Variants in GABBR2 observed in about 807,000 individuals in gnomAD.
The protein encoded by GABBR2 is G-protein coupled receptor 51.
A neutral mutation model predicts 105.6 loss-of-function variants in GABBR2; 23 were observed. The ratio of observed to expected loss-of-function variants is 0.22; its 90% CI spans 0.16 to 0.31. The LOEUF (loss-of-function observed/expected upper bound fraction) is 0.31. GABBR2 is among the 10% of genes least tolerant of loss of function. The pLI is 1.00. For missense variants in GABBR2, 734 were observed against 1,245.5 expected (o/e 0.59, Z 6.18); for synonymous variants, 478 against 499.7 (o/e 0.96, Z 0.58).
intron 4 of GABBR2, among the ~76,000 whole-genome samples, chr9:98,495,292 G>A (rs1470422673): frequency 6.6e-6 from 1 of 152,230 alleles, no homozygotes; most frequent in Non-Finnish European, 1.5e-5. Flanking sequence ...GGAGGATTTA[G>A]AAGGCAACTG....
At chr9:98,470,153 A>G (rs968140147) in intron 6 of GABBR2, among the ~76,000 whole-genome samples, 2 of 152,154 alleles carry the variant, frequency 1.3e-5, no homozygotes, top group African/African-American at 2.4e-5. Flanking sequence ...GATAAATACA[A>G]CCTGTGCAGG....
At chr9:98,391,949 G>A (rs1832187958) in intron 9 of GABBR2, among the ~76,000 whole-genome samples, 1 of 152,182 alleles carries the variant, frequency 6.6e-6, no homozygotes. Flanking sequence ...CTCACTGGGG[G>A]CTAGTGTAGG....
chr9:98,583,941 C>A (rs1031321075), intron 1 of GABBR2, among the ~76,000 whole-genome samples: 1 of 152,226 alleles, frequency 6.6e-6, no homozygotes, highest in African/African-American at 2.4e-5. Flanking sequence ...CTTTTCAATA[C>A]CCCATTTAAG....
intron 1 of GABBR2, among the ~76,000 whole-genome samples, chr9:98,689,277 C>G (rs1352463672): frequency 6.6e-6 from 1 of 152,134 alleles, no homozygotes; most frequent in Admixed American, 6.5e-5. Flanking sequence ...CAGTTTGAAT[C>G]CCAGCTTACT....
At chr9:98,648,596 C>T (rs1036496091) in intron 1 of GABBR2, among the ~76,000 whole-genome samples, 21 of 152,220 alleles carry the variant, frequency 1.4e-4, no homozygotes, top group African/African-American at 5.1e-4. Context: ...CCACTTCTCC[C>T]TCTCCAAGTC....
chr9:98,385,682 A>G lies in GABBR2; in HGVS notation c.1620T>C (p.Asp540=). 1.2e-6 allele frequency: 2 copies of G among 1,613,068 alleles called. No individual in the cohort carries two copies. Among genetic ancestry groups the G allele is most frequent in the South Asian group, 1.1e-5 (1 of 91,050 alleles). Reference sequence around the variant, plus strand: ...AGGTCTTTTCAGAGACAAAGGATCCATCAAGGCCAAAGAGAAATATGGAAG... The same window carrying G: ...AGGTCTTTTCAGAGACAAAGGATCCGTCAAGGCCAAAGAGAAATATGGAAG... The part of the protein sequence containing the change: ...SYASIFLFGL[D]GSFVSEKTFE... Residue 540 remains aspartate (D), a synonymous_variant, in exon 11 of 19, where the codon GAT becomes GAC. Coordinates refer to ENST00000259455, the MANE Select transcript of GABBR2 (RefSeq NM_005458.8).
chr9:98,435,263 A>G (rs1209434241), intron 7 of GABBR2, among the ~76,000 whole-genome samples: 1 of 152,210 alleles, frequency 6.6e-6, no homozygotes, highest in Non-Finnish European at 1.5e-5. Flanking sequence ...AAAATACTGT[A>G]GAATCTATTG....
At chr9:98,330,766 C>A (rs886162631) in intron 13 of GABBR2, among the ~76,000 whole-genome samples, 3 of 152,158 alleles carry the variant, frequency 2.0e-5, no homozygotes, top group Non-Finnish European at 4.4e-5. Context: ...TCACATAGCA[C>A]AAAATTCACA....
At chr9:98,357,686 A>C (rs1429539931) in intron 13 of GABBR2, among the ~76,000 whole-genome samples, 18 of 152,000 alleles carry the variant, frequency 1.2e-4, no homozygotes, top group Admixed American at 2.0e-4. Context: ...AACAACAAAA[A>C]AAAAAACCCC....
chr9:98,314,363 A>T lies in GABBR2; in HGVS notation c.1894-3158T>A, dbSNP rs551218207. On this transcript the variant is annotated intron_variant, in intron 13 of 18. Transcript: ENST00000259455. Reference sequence around the variant, plus strand: ...TTCTCCAGTGTGTGACAATCAGGCCAACATCAGAATGCAGTAGCACGGACC... The same window carrying T: ...TTCTCCAGTGTGTGACAATCAGGCCTACATCAGAATGCAGTAGCACGGACC... 1.1e-3 allele frequency among the ~76,000 whole-genome samples: 174 copies of T among 152,340 alleles called. 1 individual carries two copies. Among genetic ancestry groups the T allele is most frequent in the Non-Finnish European group, 1.9e-3 (130 of 68,030 alleles).
intron 13 of GABBR2, among the ~76,000 whole-genome samples, chr9:98,321,478 G>T (rs370283450): frequency 1.3e-5 from 2 of 152,190 alleles, no homozygotes; most frequent in Non-Finnish European, 2.9e-5. Context: ...GGCATTGCCC[G>T]GGAGTGCACG....
At chr9:98,606,194 T>A (rs1400453877) in intron 1 of GABBR2, among the ~76,000 whole-genome samples, 1 of 152,214 alleles carries the variant, frequency 6.6e-6, no homozygotes, top group African/African-American at 2.4e-5. Flanking sequence ...TTGGGTTGGT[T>A]CCAAGTCTTT....
rs557729738 is a variant in GABBR2, at chr9:98,578,077, G to A, written c.322-5C>T. 1 of 1,613,574 alleles carries A rather than the reference G, an allele frequency of 6.2e-7. No homozygotes were observed. Among genetic ancestry groups the A allele is most frequent in the East Asian group, 2.2e-5 (1 of 44,886 alleles). Reference sequence around the variant, plus strand: ...CAACCCTTTTGCGTTGTCGCACTGGGAAGCAACACATAGAAAGAAAGGTCC... The same window carrying A: ...CAACCCTTTTGCGTTGTCGCACTGGAAAGCAACACATAGAAAGAAAGGTCC... On this transcript the variant is annotated splice_region_variant and splice_polypyrimidine_tract_variant and intron_variant, in intron 1 of 18. Coordinates refer to ENST00000259455, the MANE Select transcript of GABBR2 (RefSeq NM_005458.8).
At chr9:98,458,782 T>C (rs769090936) in intron 6 of GABBR2, among the ~76,000 whole-genome samples, 1 of 152,210 alleles carries the variant, frequency 6.6e-6, no homozygotes, top group Non-Finnish European at 1.5e-5. Flanking sequence ...GTGAGTTAAC[T>C]TAGGAATCTG....
chr9:98,432,966 G>T (rs1385138850), intron 7 of GABBR2, among the ~76,000 whole-genome samples: 2 of 152,228 alleles, frequency 1.3e-5, no homozygotes, highest in African/African-American at 2.4e-5. Context: ...CACTTTGGGG[G>T]TGTGTGGGAG....
In GABBR2 at chr9:98,474,749, A is replaced by G. The variant is rs143495383; in HGVS notation, c.799-1403T>C. Among the ~76,000 whole-genome samples, 460 of 152,274 alleles carry G rather than the reference A, an allele frequency of 3.0e-3. 2 individuals are homozygous for G. Among genetic ancestry groups the G allele is most frequent in the African/African-American group, 0.01 (426 of 41,564 alleles). Reference sequence around the variant, plus strand: ...TCTTGCTGCCTTCCACTTAGGCTCCAGGAGGCTAAAGTGAGGGTCTGTCCA... The same window carrying G: ...TCTTGCTGCCTTCCACTTAGGCTCCGGGAGGCTAAAGTGAGGGTCTGTCCA... On this transcript the variant is annotated intron_variant, in intron 5 of 18. Coordinates refer to ENST00000259455, the MANE Select transcript of GABBR2 (RefSeq NM_005458.8).
intron 6 of GABBR2, among the ~76,000 whole-genome samples, chr9:98,464,933 A>G (rs1261516513): frequency 3.3e-5 from 5 of 152,064 alleles, no homozygotes; most frequent in South Asian, 2.1e-4. Flanking sequence ...GCTCGTTAAG[A>G]GTCATCACCA....
At chr9:98,590,714 C>T (rs959287584) in intron 1 of GABBR2, among the ~76,000 whole-genome samples, 2 of 152,220 alleles carry the variant, frequency 1.3e-5, no homozygotes, top group Non-Finnish European at 2.9e-5. Context: ...ACCAAGCCAT[C>T]GCCACTCCTT....
intron 3 of GABBR2, among the ~76,000 whole-genome samples, chr9:98,521,850 G>C (rs1289262681): frequency 1.3e-5 from 2 of 152,154 alleles, no homozygotes; most frequent in African/African-American, 4.8e-5. Flanking sequence ...AATGCATATG[G>C]AACCTATGAA....
Sources: allele counts gnomAD v4.1 joint callset (sites outside exome capture counted in the v4.1 genomes callset), GRCh38; gene constraint gnomAD v4.1.1; transcripts MANE v1.5; gene names NCBI Gene and HGNC (gene_info 2026-07-23, HGNC 2026-07-21).